PDGFD: variants seen among roughly 807,000 people sequenced by gnomAD.
PDGFD encodes platelet derived growth factor D, also known as platelet-derived growth factor D.
PDGFD carries 30 observed loss-of-function variants against 44.7 expected under a neutral mutation model. The observed-to-expected ratio is 0.67, with a 90% CI of 0.50 to 0.91. The LOEUF (loss-of-function observed/expected upper bound fraction) is 0.91. Ranked by LOEUF, PDGFD falls within the 40% of genes least tolerant of loss-of-function variation. The pLI is 0.00. For missense variants in PDGFD, 445 were observed against 457.8 expected (o/e 0.97, Z 0.25); for synonymous variants, 173 against 168.4 (o/e 1.03, Z -0.21).
intron 1 of PDGFD, among the ~76,000 whole-genome samples, chr11:104,061,452 G>A (rs1860716188): frequency 6.6e-6 from 1 of 151,984 alleles, no homozygotes; most frequent in Non-Finnish European, 1.5e-5. Context: ...GAGGGAGCGG[G>A]CAAAAAAGAC....
chr11:103,920,586 A>G (rs1442807340), intron 6 of PDGFD, among the ~76,000 whole-genome samples: 1 of 152,234 alleles, frequency 6.6e-6, no homozygotes, highest in African/African-American at 2.4e-5. Flanking sequence ...GCAGTTTGTA[A>G]TACTTAAACA....
chr11:104,043,860 C>T (rs1860399358), intron 1 of PDGFD, among the ~76,000 whole-genome samples: 1 of 152,260 alleles, frequency 6.6e-6, no homozygotes, highest in South Asian at 2.1e-4. Flanking sequence ...GCATCTGCCC[C>T]CATGACCCAA....
Position 103,996,262 on chromosome 11 carries a change from A to G in PDGFD, c.330-17T>C. On this transcript the variant is annotated splice_polypyrimidine_tract_variant and intron_variant, in intron 2 of 6. Coordinates refer to ENST00000393158, the MANE Select transcript of PDGFD (RefSeq NM_025208.5). ...AAATCATACCTAGAATCAATTGGACATAATGAACAAGTTTTGATTAAAGTA... is the reference window on the plus strand; with the variant it reads ...AAATCATACCTAGAATCAATTGGACGTAATGAACAAGTTTTGATTAAAGTA... The G allele has an allele frequency of 5.7e-6, 9 of 1,585,444 alleles. No individual in the cohort carries two copies. Among genetic ancestry groups the G allele is most frequent in the Non-Finnish European group, 7.7e-6 (9 of 1,163,766 alleles).
chr11:103,955,757 G>C lies in PDGFD; in HGVS notation c.511-8033C>G, dbSNP rs1385012674. Among the ~76,000 whole-genome samples the C allele has an allele frequency of 3.9e-5, 6 of 151,986 alleles. No individual in the cohort carries two copies. In the South Asian group the frequency reaches 1.2e-3, roughly 32 times the overall value. ...TTTCTTAGAGTTACAAGAAGCCCTG[G>C]ATAGGAGCTTTCTGTTATAGTAAAA... On this transcript the variant is annotated intron_variant, in intron 3 of 6. Coordinates refer to ENST00000393158, the MANE Select transcript of PDGFD (RefSeq NM_025208.5).
At chr11:104,110,413 C>T (rs74638185) in intron 1 of PDGFD, among the ~76,000 whole-genome samples, 1 of 150,650 alleles carries the variant, frequency 6.6e-6, no homozygotes, top group Admixed American at 6.6e-5. Context: ...CTCAGACCTC[C>T]GAAAAAATGC....
chr11:103,965,184 G>A (rs890581956), intron 3 of PDGFD, among the ~76,000 whole-genome samples: 2 of 152,106 alleles, frequency 1.3e-5, no homozygotes, highest in Non-Finnish European at 2.9e-5. Context: ...CATTTGACGT[G>A]AGAAGCCAGG....
intron 6 of PDGFD, among the ~76,000 whole-genome samples, chr11:103,923,685 T>C (rs1332636565): frequency 6.6e-6 from 1 of 152,234 alleles, no homozygotes; most frequent in Non-Finnish European, 1.5e-5. Context: ...AGCCTTTTGC[T>C]GTTTCCCACA....
At chr11:104,150,968 G>A (rs745499556) in intron 1 of PDGFD, among the ~76,000 whole-genome samples, 12 of 152,078 alleles carry the variant, frequency 7.9e-5, no homozygotes, top group Non-Finnish European at 1.5e-4. Flanking sequence ...CCCAACACAC[G>A]ATTTTCTAAT....
intron 1 of PDGFD, among the ~76,000 whole-genome samples, chr11:104,113,356 A>G (rs180930366): frequency 1.3e-5 from 2 of 152,260 alleles, no homozygotes; most frequent in East Asian, 1.9e-4. Flanking sequence ...GAGGCAAACA[A>G]AAAACATATA....
chr11:104,062,038 C>T (rs534122116), intron 1 of PDGFD, among the ~76,000 whole-genome samples: 2 of 152,266 alleles, frequency 1.3e-5, no homozygotes, highest in South Asian at 4.1e-4. Context: ...TCTCACGTTT[C>T]GTGGAATGTT....
Position 104,088,615 on chromosome 11 carries a change from A to G in PDGFD, c.124+75189T>C, listed in dbSNP as rs192064681. Among the ~76,000 whole-genome samples the G allele has an allele frequency of 2.2e-3, 331 of 152,292 alleles. 4 individuals are homozygous for G. Among genetic ancestry groups the G allele is most frequent in the Non-Finnish European group, 3.5e-4 (24 of 68,038 alleles). The stretch of plus-strand genomic sequence containing the variant: ...TGTCTGGCTATTACAACTTGGGAGG[A>G]ACTTTGCCTGAGTAACAGATACCTC... On this transcript the variant is annotated intron_variant, in intron 1 of 6. Transcript: ENST00000393158.
At chr11:104,147,210 A>G (rs377618892) in intron 1 of PDGFD, among the ~76,000 whole-genome samples, 116 of 152,158 alleles carry the variant, frequency 7.6e-4, no homozygotes, top group African/African-American at 2.8e-3. Context: ...AAAACTAAGT[A>G]CACTGTGCTT....
intron 1 of PDGFD, chr11:104,036,632 C>A: frequency 1.7e-6 from 1 of 602,216 alleles, no homozygotes; most frequent in Non-Finnish European, 3.0e-6. Flanking sequence ...CCTGGCCACA[C>A]AGCAGGCACT....
intron 1 of PDGFD, among the ~76,000 whole-genome samples, chr11:104,142,418 C>G (rs1015486905): frequency 2.0e-5 from 3 of 151,854 alleles, no homozygotes; most frequent in African/African-American, 7.3e-5. Flanking sequence ...TAATATTTAA[C>G]ATATATATGT....
At chr11:103,967,058 C>A (rs766119426) in intron 3 of PDGFD, among the ~76,000 whole-genome samples, 2 of 152,164 alleles carry the variant, frequency 1.3e-5, no homozygotes, top group Non-Finnish European at 2.9e-5. Flanking sequence ...TTTCATATAA[C>A]CCCAAATATA....
chr11:104,037,692 T>G, intron 1 of PDGFD: 1 of 1,614,152 alleles, frequency 6.2e-7, no homozygotes, highest in South Asian at 1.1e-5. Context: ...CTGGGGTTGC[T>G]AAAGGAGTGG....
At chr11:104,159,207 C>A (rs1862354432) in intron 1 of PDGFD, among the ~76,000 whole-genome samples, 1 of 148,884 alleles carries the variant, frequency 6.7e-6, no homozygotes, top group Non-Finnish European at 1.5e-5. Context: ...CTTTAGAAGG[C>A]AGTTAAGATC....
intron 6 of PDGFD, among the ~76,000 whole-genome samples, chr11:103,911,090 A>G (rs1858022320): frequency 6.6e-6 from 1 of 152,204 alleles, no homozygotes; most frequent in Non-Finnish European, 1.5e-5. Flanking sequence ...CCAGTCAGGG[A>G]CTTATAGATA....
At chr11:104,063,249 G>A (rs1328535304) in intron 1 of PDGFD, among the ~76,000 whole-genome samples, 1 of 151,758 alleles carries the variant, frequency 6.6e-6, no homozygotes, top group East Asian at 1.9e-4. Context: ...GGTAAAACAG[G>A]AAATCTCTAT....
Sources: allele counts gnomAD v4.1 joint callset (sites outside exome capture counted in the v4.1 genomes callset), GRCh38; gene constraint gnomAD v4.1.1; transcripts MANE v1.5; gene names NCBI Gene and HGNC (gene_info 2026-07-23, HGNC 2026-07-21).